Variants in GMEB1 observed in about 807,000 individuals in gnomAD.
GMEB1 encodes glucocorticoid modulatory element binding protein 1.
GMEB1 carries 6 observed loss-of-function variants against 52.4 expected under a neutral mutation model. The observed-to-expected ratio is 0.11, with a 90% CI of 0.06 to 0.23. GMEB1 has a LOEUF of 0.23. GMEB1 is among the 10% of genes least tolerant of loss of function. The pLI is 1.00. For synonymous variants in GMEB1, 255 were observed against 244.9 expected, an observed-to-expected ratio of 1.04 and a Z score of -0.38; for missense variants, 486 against 685.6, an observed-to-expected ratio of 0.71 and a Z score of 3.25.
chr1:28,668,277 A>T (rs974121213), upstream of GMEB1, among the ~76,000 whole-genome samples: 2 of 151,978 alleles, frequency 1.3e-5, no homozygotes, highest in Non-Finnish European at 2.9e-5. Flanking sequence ...GAAACTCACA[A>T]GCAGGAAAAA....
At chr1:28,686,691 T>C (rs1326432163) in intron 2 of GMEB1, among the ~76,000 whole-genome samples, 1 of 152,002 alleles carries the variant, frequency 6.6e-6, no homozygotes, top group Non-Finnish European at 1.5e-5. Context: ...AAGAGATTTT[T>C]CACATAGTGG....
chr1:28,673,087 G>A (rs895965457), intron 1 of GMEB1, among the ~76,000 whole-genome samples: 1 of 152,100 alleles, frequency 6.6e-6, no homozygotes, highest in Non-Finnish European at 1.5e-5. Flanking sequence ...TAGAGACGTG[G>A]TTTCTCCATG....
chr1:28,714,201 C>T lies in GMEB1; in HGVS notation c.1120C>T (p.Arg374Trp), dbSNP rs960217167. ...PKPPKRPRLQ[R>W]PASTTVLSPS... ...GCCTCCAAAAAGGCCCCGGCTCCAG[C>T]GGCCAGCCTCCACCACTGTCTTGAG... Residue 374 changes from arginine (R) to tryptophan (W), a missense_variant, in exon 10 of 10, where the codon CGG becomes TGG. By Grantham distance (101) the Arg-to-Trp change is moderately radical. Around this residue, in one of 5 missense-constraint regions of GMEB1, gnomAD observed 200 missense variants for 253.5 expected, o/e 0.79. Transcript: ENST00000373816. 1.9e-6 allele frequency: 3 copies of T among 1,614,068 alleles called. No homozygotes were observed. Among genetic ancestry groups the T allele is most frequent in the East Asian group, 2.2e-5 (1 of 44,890 alleles).
intron 9 of GMEB1, among the ~76,000 whole-genome samples, chr1:28,711,652 A>AC (rs1335517800): frequency 6.6e-6 from 1 of 152,024 alleles, no homozygotes; most frequent in African/African-American, 2.4e-5. Context: ...ATGGGGTTTT[A>AC]CCACATTGCC....
intron 1 of GMEB1, among the ~76,000 whole-genome samples, chr1:28,679,351 T>A (rs1025275568): frequency 6.6e-6 from 1 of 152,134 alleles, no homozygotes; most frequent in Non-Finnish European, 1.5e-5. Context: ...CTAATACTTA[T>A]ATTTTTAGTA....
chr1:28,687,651 G>T (rs1025216489), intron 2 of GMEB1, among the ~76,000 whole-genome samples: 15 of 152,044 alleles, frequency 9.9e-5, no homozygotes, highest in Admixed American at 9.9e-4. Flanking sequence ...GATTAATCTG[G>T]TGGGAATGTA....
intron 6 of GMEB1, among the ~76,000 whole-genome samples, chr1:28,700,325 G>A (rs1670440675): frequency 6.6e-6 from 1 of 151,692 alleles, no homozygotes; most frequent in Non-Finnish European, 1.5e-5. Context: ...ATCCTGGCTA[G>A]CATAGTGAAA....
rs1557495962 is a variant in GMEB1 at position 28,676,737 on chromosome 1, AT to A, written c.-30-6845del. Among the ~76,000 whole-genome samples, 50 of 151,706 alleles carry A rather than the reference AT, an allele frequency of 3.3e-4. 1 individual carries two copies. The highest frequency in any genetic ancestry group is 1.1e-3 in the African/African-American group (47 of 41,448). On this transcript the variant is annotated intron_variant, in intron 1 of 9. Coordinates refer to ENST00000373816, the MANE Select transcript of GMEB1 (RefSeq NM_001319674.2). ...AAGACTCCGTCTCAAAAAAAAATAA[AT>A]AAATAAATAAATACAAATAAAGATA...
In GMEB1 at chr1:28,716,866, C is replaced by A. The variant is rs1188580934; in HGVS notation, c.*2093C>A. ...TCAGTGTTTGGGGCAAGAGTGGACC[C>A]TGGTTTTTATTTCTTTGATTGCATT... On this transcript the variant is annotated 3_prime_UTR_variant, in exon 10 of 10. Transcript: ENST00000373816. The A allele has an allele frequency of 2.0e-5, 3 of 151,908 alleles. No homozygotes were observed. The highest frequency in any genetic ancestry group is 7.3e-5 in the African/African-American group (3 of 41,350). The allele number at this position is 151,908 out of a possible 1,614,324, so 9.4% of individuals were successfully genotyped here.
chr1:28,697,811 C>T (rs1044883194), intron 6 of GMEB1, among the ~76,000 whole-genome samples: 1 of 152,156 alleles, frequency 6.6e-6, no homozygotes, highest in African/African-American at 2.4e-5. Context: ...CCTGTAATCC[C>T]AGCACTTTGG....
chr1:28,684,193 T>C (rs1297110913), intron 2 of GMEB1, among the ~76,000 whole-genome samples: 1 of 152,096 alleles, frequency 6.6e-6, no homozygotes, highest in Non-Finnish European at 1.5e-5. Flanking sequence ...TCTTTTTTCT[T>C]TTTTTATTTT....
intron 2 of GMEB1, chr1:28,689,519 C>G (rs1669853650): frequency 6.6e-6 from 1 of 152,310 alleles, no homozygotes; most frequent in Non-Finnish European, 1.5e-5. Flanking sequence ...GTCCCAGCTA[C>G]TCGGGAGGCT....
At chr1:28,685,790 C>T (rs1669612625) in intron 2 of GMEB1, among the ~76,000 whole-genome samples, 1 of 152,006 alleles carries the variant, frequency 6.6e-6, no homozygotes, top group Non-Finnish European at 1.5e-5. Flanking sequence ...GAAACCCTGT[C>T]TCTACTAAAA....
chr1:28,692,779 C>G (rs1670024704), intron 4 of GMEB1, among the ~76,000 whole-genome samples, 163 bp from the exon 5 acceptor site: 1 of 152,080 alleles, frequency 6.6e-6, no homozygotes, highest in South Asian at 2.1e-4. Flanking sequence ...AGAGAAGGAT[C>G]GTCTTCTCTA....
In GMEB1 at chr1:28,717,189, T is replaced by TG. The variant is rs972043473; in HGVS notation, c.*2416_*2417insG. 3.4e-4 allele frequency: 51 copies of TG among 151,382 alleles called. 1 individual carries two copies. Among genetic ancestry groups the TG allele is most frequent in the South Asian group, 2.1e-3 (10 of 4,754 alleles). 9.4% of individuals were successfully genotyped at this position (151,382 alleles called of 1,614,324 possible). ...CTGTAACATGGTAAGGTTGCTGTTT[T>TG]TTTTTTTTTTTTCTTTTTGAGATGG... is the stretch of plus-strand genomic sequence containing the variant. On this transcript the variant is annotated 3_prime_UTR_variant, in exon 10 of 10. Transcript: ENST00000373816.
intron 1 of GMEB1, among the ~76,000 whole-genome samples, chr1:28,676,150 T>G (rs1669143190): frequency 6.6e-6 from 1 of 152,152 alleles, no homozygotes; most frequent in African/African-American, 2.4e-5. Flanking sequence ...AGGAAGGTAT[T>G]AAGAAGTTAG....
rs749448826 is a variant in GMEB1, at chr1:28,704,311, G to T, written c.850G>T (p.Ala284Ser). Residue 284 changes from alanine to serine, a missense_variant, in exon 8 of 10, where the codon GCT becomes TCT. Transcript: ENST00000373816. ...GGGAGTTCAGCAGCGGCTCATCCAG[G>T]CTCCCTTCCAAGTCACAGGTAAGTG... Reference protein sequence around the residue: ...LRGVQQRLIQAPFQVTDAAVL... With the variant: ...LRGVQQRLIQSPFQVTDAAVL... The T allele has an allele frequency of 2.5e-6, 4 of 1,612,434 alleles. No individual in the cohort carries two copies. The highest frequency in any genetic ancestry group is 2.2e-5 in the East Asian group (1 of 44,768).
At chr1:28,689,914 T>C in intron 2 of GMEB1, 190 bp from the exon 3 acceptor site, 1 of 472,500 alleles carries the variant, frequency 2.1e-6, no homozygotes. Context: ...TTCATTTTCA[T>C]GGTAGAAGCT....
In GMEB1 at chr1:28,698,394, G is replaced by A. The variant is rs531248844; in HGVS notation, c.598+1310G>A. On this transcript the variant is annotated intron_variant, in intron 6 of 9. Transcript: ENST00000373816. The stretch of plus-strand genomic sequence containing the variant: ...TCCGTCTTAAAAAAAAAAAAAAGAA[G>A]CCTGGGCATGGTGGCTCACGCCTGT... 3.1e-3 allele frequency among the ~76,000 whole-genome samples: 473 copies of A among 150,762 alleles called. 2 individuals are homozygous for A. Among genetic ancestry groups the A allele is most frequent in the African/African-American group, 0.01 (427 of 41,124 alleles).
Sources: gnomAD v4.1 joint callset for allele counts (sites outside exome capture counted in the v4.1 genomes callset) on GRCh38, gnomAD v4.1.1 for gene constraint, gnomAD v4.1.1 regional missense constraint, MANE v1.5 for transcripts, NCBI Gene and HGNC (gene_info 2026-07-23, HGNC 2026-07-21) for gene names.